STK32C: variants seen among roughly 807,000 people sequenced by gnomAD.
STK32C encodes the protein serine/threonine kinase 32C.
In STK32C, 31 loss-of-function variants were observed where a neutral mutation model predicts 56.5. The ratio of observed to expected loss-of-function variants is 0.55; its 90% CI spans 0.41 to 0.74. The LOEUF (loss-of-function observed/expected upper bound fraction) is 0.74. Ranked by LOEUF, STK32C falls within the 30% of genes least tolerant of loss-of-function variation. The probability of loss-of-function intolerance (pLI) is 0.00; values close to 1 mark genes in which losing one functional copy is unlikely to be tolerated. For missense variants in STK32C, 544 were observed against 676.9 expected, an observed-to-expected ratio of 0.80 and a Z score of 2.18; for synonymous variants, 309 against 289.4, an observed-to-expected ratio of 1.07 and a Z score of -0.69.
At chr10:132,280,158 T>TCACGCCCCTGCACTCCGTGAC (rs1357115125) in intron 1 of STK32C, among the ~76,000 whole-genome samples, 2 of 130,390 alleles carry the variant, frequency 1.5e-5, no homozygotes, top group Non-Finnish European at 3.2e-5. Context: ...CACTCTGTGA[T>TCACGCCCCTGCACTCCGTGAC]CACGCCCCTG....
At chr10:132,240,953 C>T (rs957225004) in intron 2 of STK32C, among the ~76,000 whole-genome samples, 2 of 152,218 alleles carry the variant, frequency 1.3e-5, no homozygotes, top group African/African-American at 4.8e-5. Flanking sequence ...GATAGCTGTG[C>T]CCATCAGACA....
intron 10 of STK32C, among the ~76,000 whole-genome samples, chr10:132,209,702 G>C (rs1302586577): frequency 2.6e-5 from 4 of 152,194 alleles, no homozygotes; most frequent in Non-Finnish European, 4.4e-5. Flanking sequence ...AGGGGGTGCT[G>C]GCCGCTCAGC....
At chr10:132,276,567 T>C (rs1458751528) in intron 1 of STK32C, among the ~76,000 whole-genome samples, 3 of 151,566 alleles carry the variant, frequency 2.0e-5, no homozygotes, top group Non-Finnish European at 4.4e-5. Flanking sequence ...GGACTGCTTG[T>C]GGCCAGGAGT....
At chr10:132,319,530 C>T (rs930431723), downstream of STK32C, among the ~76,000 whole-genome samples, 3 of 152,198 alleles carry the variant, frequency 2.0e-5, no homozygotes, top group Non-Finnish European at 2.9e-5. Context: ...TTCTACTACA[C>T]GGATGGACCT....
chr10:132,307,432 G>A lies in STK32C; in HGVS notation c.262+140C>T. On this transcript the variant is annotated intron_variant, in intron 1 of 11. Transcript: ENST00000298630. The surrounding 1 kb of genome is among the most constrained non-coding windows in gnomAD (Gnocchi z 4.4). ...ACTCGCGTGGGGCCGCAGCCACCCG[G>A]CGCGAGCTTCTCCGGAAGCCGGGGC... 1 of 998,930 alleles carries A rather than the reference G, an allele frequency of 1.0e-6. No individual in the cohort carries two copies. The highest frequency in any genetic ancestry group is 1.3e-6 in the Non-Finnish European group (1 of 748,726). 61.9% of individuals were successfully genotyped at this position (998,930 alleles called of 1,614,324 possible). A position where few individuals can be genotyped will look rare whatever the true frequency, so the allele number is the denominator to read the frequency against.
chr10:132,207,789 G>A lies in STK32C; in HGVS notation c.*221C>T, dbSNP rs951929019. 11 of 505,578 alleles carry A rather than the reference G, an allele frequency of 2.2e-5. No homozygotes were observed. The highest frequency in any genetic ancestry group is 4.5e-5 in the Admixed American group (1 of 22,320). 31.3% of individuals were successfully genotyped at this position (505,578 alleles called of 1,614,324 possible). On this transcript the variant is annotated 3_prime_UTR_variant, in exon 12 of 12. Coordinates refer to ENST00000298630, the MANE Select transcript of STK32C (RefSeq NM_173575.4). ...CGCTTCCTCCATCTAGGCGGGTCTC[G>A]GGGGCCCACGGGAAATGCCCTCCAC...
intron 1 of STK32C, among the ~76,000 whole-genome samples, chr10:132,269,491 G>A (rs2064746146): frequency 6.6e-6 from 1 of 152,206 alleles, no homozygotes; most frequent in African/African-American, 2.4e-5. Flanking sequence ...GTGTGTGGCA[G>A]CAAGCTGCAG....
intron 2 of STK32C, among the ~76,000 whole-genome samples, chr10:132,230,293 T>G (rs2063045826): frequency 6.6e-6 from 1 of 152,226 alleles, no homozygotes; most frequent in Admixed American, 6.5e-5. Flanking sequence ...CAGGACCCCC[T>G]CCTGCCGCTT....
intron 1 of STK32C, among the ~76,000 whole-genome samples, chr10:132,304,107 T>C (rs80076497): frequency 0.026 from 3,997 of 152,328 alleles, 160 homozygotes; most frequent in African/African-American, 0.089. Context: ...AGGGAAACAA[T>C]GCCAAGTGCA....
chr10:132,264,132 G>A (rs1205186490), intron 1 of STK32C, among the ~76,000 whole-genome samples: 1 of 152,192 alleles, frequency 6.6e-6, no homozygotes, highest in Non-Finnish European at 1.5e-5. Context: ...CTTAGGGCTG[G>A]TGAGGCGCCT....
downstream of STK32C, among the ~76,000 whole-genome samples, chr10:132,319,803 G>A (rs1393610398): frequency 6.6e-6 from 1 of 152,086 alleles, no homozygotes; most frequent in Non-Finnish European, 1.5e-5. Context: ...ATGGCTTGTA[G>A]CCAAGGGTTT....
intron 1 of STK32C, among the ~76,000 whole-genome samples, chr10:132,268,392 C>CGTGT (rs1189768582): frequency 8.0e-5 from 8 of 100,084 alleles, no homozygotes; most frequent in South Asian, 3.3e-4. Flanking sequence ...TGTCCCACAT[C>CGTGT]GTGTGTGTGT....
intron 8 of STK32C, among the ~76,000 whole-genome samples, chr10:132,223,728 G>A (rs750388780): frequency 5.9e-5 from 9 of 152,150 alleles, no homozygotes; most frequent in African/African-American, 1.7e-4. Context: ...CCTGAGACAC[G>A]GGGGCCGGGA....
At chr10:132,326,801 C>T (rs2066508245) in intron 1 of STK32C, among the ~76,000 whole-genome samples, 1 of 152,170 alleles carries the variant, frequency 6.6e-6, no homozygotes, top group Non-Finnish European at 1.5e-5. Context: ...CACTGCTGGT[C>T]ATGGTCTGAA....
chr10:132,299,836 T>C (rs1216512126), intron 1 of STK32C, among the ~76,000 whole-genome samples: 5 of 152,364 alleles, frequency 3.3e-5, no homozygotes, highest in Admixed American at 3.3e-4. Context: ...AGCCCTGTTA[T>C]TGGGCACAAG....
At chr10:132,244,653 G>A (rs1590240707) in intron 2 of STK32C, among the ~76,000 whole-genome samples, 1 of 152,184 alleles carries the variant, frequency 6.6e-6, no homozygotes, top group African/African-American at 2.4e-5. Context: ...GATGCCTGGT[G>A]ACTCCCAGGG....
At chr10:132,309,934 C>T (rs529351718), upstream of STK32C, among the ~76,000 whole-genome samples, 3 of 152,318 alleles carry the variant, frequency 2.0e-5, no homozygotes, top group South Asian at 4.1e-4. Flanking sequence ...AGACTTCAGA[C>T]AGCAGGTAGA....
intron 11 of STK32C, among the ~76,000 whole-genome samples, chr10:132,208,482 A>C (rs771157672): frequency 9.2e-5 from 14 of 152,188 alleles, no homozygotes; most frequent in Non-Finnish European, 2.1e-4. Flanking sequence ...CCAGGGTGCC[A>C]GTCAGTGCCC....
chr10:132,307,261 C>G lies in STK32C; in HGVS notation c.262+311G>C, dbSNP rs531805794. The G allele has an allele frequency of 1.7e-5, 4 of 233,656 alleles. No homozygotes were observed. The South Asian group carries it at 4.2e-4, about 25-fold the overall frequency. 14.5% of individuals were successfully genotyped at this position (233,656 alleles called of 1,614,324 possible). On this transcript the variant is annotated intron_variant, in intron 1 of 11. Transcript: ENST00000298630. The surrounding 1 kb of genome is among the most constrained non-coding windows in gnomAD (Gnocchi z 4.4). Reference sequence around the variant, plus strand: ...CGAGCGGATCACGGAAAGCGGAAAGCAGGGCTGCCACGGGCGGTGGGCGGA... The same window carrying G: ...CGAGCGGATCACGGAAAGCGGAAAGGAGGGCTGCCACGGGCGGTGGGCGGA...
Sources: gnomAD v4.1 joint callset for allele counts (sites outside exome capture counted in the v4.1 genomes callset) on GRCh38, gnomAD v4.1.1 for gene constraint, Gnocchi (gnomAD v3.1) non-coding constraint, MANE v1.5 for transcripts, NCBI Gene and HGNC (gene_info 2026-07-23, HGNC 2026-07-21) for gene names.